The following OSBPL8 variants were observed in gnomAD, a reference collection of about 807,000 sequenced individuals.
OSBPL8 encodes the protein oxysterol-binding protein-related protein 8.
In OSBPL8, 59 loss-of-function variants were observed where a neutral mutation model predicts 125.5. That is an observed-to-expected ratio of 0.47 (90% CI 0.38 to 0.58). The LOEUF (loss-of-function observed/expected upper bound fraction) is 0.58. Among genes scored for constraint, OSBPL8 ranks in the 20% least tolerant of loss-of-function variants. The pLI is 0.00. For missense variants in OSBPL8, 758 were observed against 1,047.8 expected (o/e 0.72, Z 3.82); for synonymous variants, 330 against 338.9 (o/e 0.97, Z 0.29).
chr12:76,514,486 G>A (rs1443642654), intron 1 of OSBPL8, among the ~76,000 whole-genome samples: 2 of 152,086 alleles, frequency 1.3e-5, no homozygotes, highest in Non-Finnish European at 2.9e-5. Context: ...TAAGTATGTT[G>A]TAGGCCCTCC....
chr12:76,545,972 T>G (rs541043025), intron 1 of OSBPL8, among the ~76,000 whole-genome samples: 3 of 152,278 alleles, frequency 2.0e-5, no homozygotes, highest in African/African-American at 7.2e-5. Context: ...ATGGGTCCAC[T>G]TATACACGGA....
intron 1 of OSBPL8, among the ~76,000 whole-genome samples, chr12:76,530,877 G>T (rs1950320441): frequency 6.6e-6 from 1 of 152,176 alleles, no homozygotes; most frequent in Admixed American, 6.5e-5. Flanking sequence ...GTATTAGACT[G>T]AAGATCTTCC....
At chr12:76,527,577 T>C (rs1243255600) in intron 1 of OSBPL8, among the ~76,000 whole-genome samples, 1 of 152,160 alleles carries the variant, frequency 6.6e-6, no homozygotes, top group Admixed American at 6.5e-5. Context: ...GCTCTACGGG[T>C]AGTTCTTTAA....
At chr12:76,474,386 G>C (rs942716435) in intron 2 of OSBPL8, among the ~76,000 whole-genome samples, 2 of 152,056 alleles carry the variant, frequency 1.3e-5, no homozygotes, top group African/African-American at 4.8e-5. Context: ...GAGCAAGCTT[G>C]GGATGGGGGG....
chr12:76,430,715 A>G (rs1160351252), intron 4 of OSBPL8, among the ~76,000 whole-genome samples: 1 of 152,224 alleles, frequency 6.6e-6, no homozygotes, highest in Non-Finnish European at 1.5e-5. Flanking sequence ...AGAAGACAGT[A>G]GAATGATATA....
chr12:76,450,202 T>C (rs1021837975), intron 4 of OSBPL8, among the ~76,000 whole-genome samples: 4 of 152,288 alleles, frequency 2.6e-5, no homozygotes, highest in African/African-American at 7.2e-5. Context: ...GTAACTGCTA[T>C]TGACATTTTC....
chr12:76,397,579 G>C, intron 8 of OSBPL8, 115 bp downstream of exon 8: 1 of 1,052,660 alleles, frequency 9.5e-7, no homozygotes, highest in Non-Finnish European at 1.4e-6. Context: ...GCAATGGAAA[G>C]CAGAACAGAT....
At chr12:76,367,217 G>T (rs1280514136) in intron 21 of OSBPL8, among the ~76,000 whole-genome samples, 1 of 143,264 alleles carries the variant, frequency 7.0e-6, no homozygotes, top group Non-Finnish European at 1.5e-5. Flanking sequence ...ATATTTTGGG[G>T]CTTTGTTGAT....
chr12:76,465,429 G>A (rs1014522454), intron 2 of OSBPL8, among the ~76,000 whole-genome samples: 5 of 151,878 alleles, frequency 3.3e-5, no homozygotes, highest in Non-Finnish European at 7.4e-5. Flanking sequence ...GCGTGGTGGC[G>A]GGCGCCTATA....
intron 10 of OSBPL8, 48 bp downstream of exon 10, chr12:76,392,533 C>G: frequency 6.6e-7 from 1 of 1,526,416 alleles, no homozygotes; most frequent in Non-Finnish European, 8.9e-7. Flanking sequence ...ATTTTGTGAA[C>G]AGTATGGTCT....
chr12:76,387,048 A>G (rs1953344086), intron 12 of OSBPL8, among the ~76,000 whole-genome samples: 1 of 152,194 alleles, frequency 6.6e-6, no homozygotes, highest in Non-Finnish European at 1.5e-5. Flanking sequence ...AGCATTTGCA[A>G]TGTTAGGCAG....
intron 1 of OSBPL8, among the ~76,000 whole-genome samples, chr12:76,527,935 C>T (rs1002067014): frequency 1.3e-5 from 2 of 152,152 alleles, no homozygotes; most frequent in African/African-American, 4.8e-5. Context: ...TGCAAGAAAT[C>T]AATAAAGAGT....
chr12:76,391,859 G>A (rs939635601), intron 10 of OSBPL8, among the ~76,000 whole-genome samples: 1 of 151,880 alleles, frequency 6.6e-6, no homozygotes, highest in Non-Finnish European at 1.5e-5. Flanking sequence ...AAGAAGAGGA[G>A]AATAGCAGTC....
intron 1 of OSBPL8, among the ~76,000 whole-genome samples, chr12:76,492,964 G>A (rs1019952931): frequency 3.3e-5 from 5 of 151,522 alleles, no homozygotes; most frequent in East Asian, 3.9e-4. Flanking sequence ...TTGTGTGCAC[G>A]TACACACGTG....
intron 2 of OSBPL8, among the ~76,000 whole-genome samples, chr12:76,470,365 C>T (rs931779299): frequency 2.0e-5 from 3 of 152,308 alleles, no homozygotes; most frequent in Non-Finnish European, 4.4e-5. Flanking sequence ...TATGAAATAG[C>T]ACAACCGAAA....
chr12:76,553,681 GA>G (rs746609478), intron 1 of OSBPL8, among the ~76,000 whole-genome samples: 213 of 116,826 alleles, frequency 1.8e-3, no homozygotes, highest in Non-Finnish European at 2.6e-3. Context: ...TGTATCAGAA[GA>G]AAAAAAAAAA....
intron 9 of OSBPL8, 90 bp from the exon 10 acceptor site, chr12:76,392,842 G>T: frequency 7.7e-7 from 1 of 1,294,494 alleles, no homozygotes; most frequent in South Asian, 1.7e-5. Context: ...CTATTTCTTT[G>T]AGAAACATGC....
intron 15 of OSBPL8, among the ~76,000 whole-genome samples, chr12:76,380,946 T>C (rs1023722664): frequency 2.0e-5 from 3 of 152,204 alleles, no homozygotes; most frequent in Non-Finnish European, 4.4e-5. Flanking sequence ...GGTGTTGAAT[T>C]CTGTCAAATC....
In OSBPL8 at chr12:76,373,390, T is replaced by C. The variant is rs532774692; in HGVS notation, c.1871A>G (p.Lys624Arg). ...SSDCVNQISGKLKLGKEVLAT... is the reference protein window; with the variant it reads ...SSDCVNQISGRLKLGKEVLAT... The stretch of plus-strand genomic sequence containing the variant: ...TAGGACTTCTTTTCCCAGTTTAAGT[T>C]TCCCTGATATTTGATTAACACAGTC... The change falls in exon 18 of 24, where the codon AAA becomes AGA. Residue 624 changes from lysine (K) to arginine (R), a missense_variant. Coordinates refer to ENST00000261183, the MANE Select transcript of OSBPL8 (RefSeq NM_020841.5). 1.2e-6 allele frequency: 2 copies of C among 1,609,946 alleles called. No individual in the cohort carries two copies. Among genetic ancestry groups the C allele is most frequent in the Admixed American group, 3.3e-5 (2 of 59,706 alleles).
Sources: allele counts gnomAD v4.1 joint callset (sites outside exome capture counted in the v4.1 genomes callset), GRCh38; gene constraint gnomAD v4.1.1; transcripts MANE v1.5; gene names NCBI Gene and HGNC (gene_info 2026-07-23, HGNC 2026-07-21).